The following OCA2 variants were observed in gnomAD, a reference collection of about 807,000 sequenced individuals.
The protein encoded by OCA2 is P protein.
A neutral mutation model predicts 100.2 loss-of-function variants in OCA2; 77 were observed. That is an observed-to-expected ratio of 0.77 (90% CI 0.64 to 0.93). OCA2 has a LOEUF of 0.93. Among genes scored for constraint, OCA2 ranks in the 40% least tolerant of loss-of-function variants. OCA2 has a pLI of 0.00. For synonymous variants in OCA2, 432 were observed against 439.2 expected, an observed-to-expected ratio of 0.98 and a Z score of 0.21; for missense variants, 1,062 against 1,089.1, an observed-to-expected ratio of 0.98 and a Z score of 0.35.
chr15:27,988,506 G>T (rs1459848537), intron 11 of OCA2, among the ~76,000 whole-genome samples: 1 of 151,950 alleles, frequency 6.6e-6, no homozygotes, highest in Non-Finnish European at 1.5e-5. Context: ...GGAAGACAAA[G>T]TGAAAACGCT....
In OCA2 at chr15:27,877,429, ATCT is replaced by A. The variant is rs990963621; in HGVS notation, c.2080-5510_2080-5508del. On this transcript the variant is annotated intron_variant, in intron 19 of 23. Coordinates refer to ENST00000354638, the MANE Select transcript of OCA2 (RefSeq NM_000275.3). The stretch of plus-strand genomic sequence containing the variant: ...CTATCAATTTCTGAAGAGTGATAAA[ATCT>A]TCTTCTATGATTGTGGAATTGTCTA... Among the ~76,000 whole-genome samples, 98 of 152,002 alleles carry A rather than the reference ATCT, an allele frequency of 6.4e-4. 1 individual carries two copies. The highest frequency in any genetic ancestry group is 2.3e-3 in the African/African-American group (94 of 41,524).
chr15:28,073,134 C>T (rs1017619895), intron 2 of OCA2, among the ~76,000 whole-genome samples: 3 of 152,184 alleles, frequency 2.0e-5, no homozygotes, highest in African/African-American at 7.2e-5. Context: ...GTAAAATCCG[C>T]AGGGCACGGT....
chr15:28,010,337 C>T (rs1407574987), intron 9 of OCA2, among the ~76,000 whole-genome samples: 2 of 152,174 alleles, frequency 1.3e-5, no homozygotes, highest in Admixed American at 1.3e-4. Flanking sequence ...CAATGCCAGT[C>T]TTACCATTCC....
intron 2 of OCA2, among the ~76,000 whole-genome samples, chr15:28,072,441 T>A (rs1013859609): frequency 2.0e-5 from 3 of 151,910 alleles, no homozygotes; most frequent in Non-Finnish European, 4.4e-5. Flanking sequence ...TATAAAAAAA[T>A]TAGCTGGGCG....
chr15:28,064,092 T>C (rs979965052), intron 2 of OCA2, among the ~76,000 whole-genome samples: 2 of 152,138 alleles, frequency 1.3e-5, no homozygotes, highest in Non-Finnish European at 2.9e-5. Context: ...ACAGTATGTT[T>C]CTTTTAACAT....
chr15:28,082,959 A>G (rs1451901558), intron 1 of OCA2, among the ~76,000 whole-genome samples: 1 of 152,236 alleles, frequency 6.6e-6, no homozygotes, highest in Admixed American at 6.5e-5. Flanking sequence ...AGCAGCCGAC[A>G]GCACCAGAAA....
intron 2 of OCA2, among the ~76,000 whole-genome samples, chr15:28,033,395 G>GA (rs1363584712): frequency 2.0e-5 from 3 of 152,278 alleles, no homozygotes; most frequent in Non-Finnish European, 2.9e-5. Context: ...GAAATTTTAA[G>GA]AAAAATATTT....
At chr15:28,010,902 A>C (rs1443139603) in intron 9 of OCA2, among the ~76,000 whole-genome samples, 1 of 152,216 alleles carries the variant, frequency 6.6e-6, no homozygotes, top group Non-Finnish European at 1.5e-5. Context: ...AAAAATAATA[A>C]GTGTGAGGAA....
At chr15:27,794,570 C>T (rs1346798320) in intron 23 of OCA2, among the ~76,000 whole-genome samples, 8 of 152,130 alleles carry the variant, frequency 5.3e-5, no homozygotes, top group Admixed American at 3.3e-4. Context: ...AGTAAATACA[C>T]GTGTGCAGAT....
chr15:28,065,473 C>A lies in OCA2; in HGVS notation c.227+16175G>T, dbSNP rs182725494. Among the ~76,000 whole-genome samples the A allele has an allele frequency of 4.1e-4, 62 of 152,230 alleles. No individual in the cohort carries two copies. In the East Asian group the frequency reaches 7.3e-3, roughly 18 times the overall value. On this transcript the variant is annotated intron_variant, in intron 2 of 23. Transcript: ENST00000354638. ...TTTCCAGCTTATGTTCTGAGTTAGGCAAAACAGAGCTCAGAGTCTTGTGTC... is the reference window on the plus strand; with the variant it reads ...TTTCCAGCTTATGTTCTGAGTTAGGAAAAACAGAGCTCAGAGTCTTGTGTC...
chr15:27,727,465 T>C, the OCA2 span, among the ~76,000 whole-genome samples: 1 of 151,664 alleles, frequency 6.6e-6, no homozygotes, highest in South Asian at 2.1e-4. Flanking sequence ...TGCCATGGAG[T>C]GGGAAGAGAA....
the OCA2 span, among the ~76,000 whole-genome samples, chr15:27,739,440 C>CTTTTTTT: frequency 3.0e-5 from 3 of 100,062 alleles, no homozygotes; most frequent in African/African-American, 8.9e-5. Flanking sequence ...TAATTTCTTT[C>CTTTTTTT]TTTTTTTTTT....
intron 14 of OCA2, among the ~76,000 whole-genome samples, chr15:27,972,210 ATCTC>A (rs954238841): frequency 2.0e-5 from 3 of 151,798 alleles, no homozygotes; most frequent in South Asian, 2.1e-4. Context: ...ATACACGCAT[ATCTC>A]TCTCTCTCTC....
At chr15:28,069,465 C>T (rs1401673185) in intron 2 of OCA2, among the ~76,000 whole-genome samples, 12 of 121,498 alleles carry the variant, frequency 9.9e-5, no homozygotes, top group Admixed American at 1.6e-4. Flanking sequence ...CATGCGGGGC[C>T]GAAGCTGGAC....
chr15:27,884,921 C>T (rs746628594), intron 19 of OCA2, among the ~76,000 whole-genome samples: 10 of 152,236 alleles, frequency 6.6e-5, no homozygotes, highest in Admixed American at 4.6e-4. Context: ...CTGCACAGAT[C>T]GGTGGCCACT....
chr15:27,916,799 C>T (rs2594942), intron 19 of OCA2, among the ~76,000 whole-genome samples: 8,244 of 152,210 alleles, frequency 0.054, 770 homozygotes, highest in African/African-American at 0.19. Flanking sequence ...AAAAATAGAA[C>T]ACACCTGACC....
At chr15:27,735,246 G>A in the OCA2 span, among the ~76,000 whole-genome samples, 11,197 of 152,130 alleles carry the variant, frequency 0.074, 890 homozygotes, top group African/African-American at 0.2. Flanking sequence ...GAGCATCAAC[G>A]TTGGAATTGA....
At chr15:27,746,789 A>C in the OCA2 span, among the ~76,000 whole-genome samples, 1 of 151,696 alleles carries the variant, frequency 6.6e-6, no homozygotes, top group African/African-American at 2.4e-5. Flanking sequence ...AGTGGGATGT[A>C]CTCCCCTCTC....
At chr15:27,887,567 AGC>A (rs1339061106) in intron 19 of OCA2, among the ~76,000 whole-genome samples, 1 of 149,352 alleles carries the variant, frequency 6.7e-6, no homozygotes, top group Non-Finnish European at 1.5e-5. Context: ...CCAGGTCAAG[AGC>A]CATGTGCTAT....
Sources: gnomAD v4.1 joint callset for allele counts (sites outside exome capture counted in the v4.1 genomes callset) on GRCh38, gnomAD v4.1.1 for gene constraint, MANE v1.5 for transcripts, NCBI Gene and HGNC (gene_info 2026-07-23, HGNC 2026-07-21) for gene names.